Variants in ACADL observed in about 807,000 individuals in gnomAD.
ACADL encodes long-chain specific acyl-CoA dehydrogenase, mitochondrial.
In ACADL, 60 loss-of-function variants were observed where a neutral mutation model predicts 56.9. That is an observed-to-expected ratio of 1.05 (90% CI 0.86 to 1.31). ACADL has a LOEUF of 1.31. ACADL is among the 50% of genes most tolerant of loss of function. The pLI is 0.00. For missense variants in ACADL, 484 were observed against 525.5 expected, an observed-to-expected ratio of 0.92 and a Z score of 0.77; for synonymous variants, 158 against 179.7, an observed-to-expected ratio of 0.88 and a Z score of 0.97.
intron 4 of ACADL, among the ~76,000 whole-genome samples, chr2:210,211,178 C>G (rs1488018021): frequency 6.6e-6 from 1 of 152,086 alleles, no homozygotes; most frequent in Non-Finnish European, 1.5e-5. Context: ...CATATATATG[C>G]ATTTTTATAA....
chr2:210,224,399 A>T, intron 1 of ACADL: 1 of 985,294 alleles, frequency 1.0e-6, no homozygotes, highest in Non-Finnish European at 1.2e-6. Flanking sequence ...AGTAGCTTAC[A>T]CCAATGCTGT....
chr2:210,208,249 T>C (rs147044560), intron 5 of ACADL, among the ~76,000 whole-genome samples: 12 of 152,324 alleles, frequency 7.9e-5, no homozygotes, highest in African/African-American at 1.9e-4. Context: ...GAGAAATTCA[T>C]TGGGCAAAAA....
chr2:210,189,417 C>T (rs78091981), intron 10 of ACADL, among the ~76,000 whole-genome samples: 1,636 of 152,128 alleles, frequency 0.011, 26 homozygotes, highest in African/African-American at 0.035. Flanking sequence ...TTCTTTTTAT[C>T]TTTAATGTTT....
At chr2:210,220,958 C>T (rs993562699) in intron 1 of ACADL, among the ~76,000 whole-genome samples, 156 bp from the exon 2 acceptor site, 7 of 151,976 alleles carry the variant, frequency 4.6e-5, no homozygotes, top group South Asian at 2.1e-4. Context: ...CAAATTTGGG[C>T]GCCACCACTT....
intron 4 of ACADL, among the ~76,000 whole-genome samples, chr2:210,213,213 T>C (rs1320792448): frequency 1.3e-5 from 2 of 152,060 alleles, no homozygotes; most frequent in Non-Finnish European, 2.9e-5. Context: ...AAACAATTCT[T>C]CTATAGCTGG....
At position 210,214,519 on chromosome 2, in the gene ACADL, A is replaced by AAGAAAGAAAGAAAAAGAAAGAG. The variant is rs1575679680; in HGVS notation, c.536+1827_536+1828insCTCTTTCTTTTTCTTTCTTTCT. Among the ~76,000 whole-genome samples, 5 of 151,388 alleles carry AAGAAAGAAAGAAAAAGAAAGAG rather than the reference A, an allele frequency of 3.3e-5. No homozygotes were observed. The East Asian group carries it at 9.7e-4, about 29-fold the overall frequency. On this transcript the variant is annotated intron_variant, in intron 4 of 10. Coordinates refer to ENST00000233710, the MANE Select transcript of ACADL (RefSeq NM_001608.4). ...AGAAAGAAAGAAAGAAAAAGAAAGA[A>AAGAAAGAAAGAAAAAGAAAGAG]AGAAAGAAAGAAATCTGCTTATTTT...
intron 9 of ACADL, among the ~76,000 whole-genome samples, chr2:210,193,242 T>C (rs1167103976): frequency 6.6e-6 from 1 of 152,192 alleles, no homozygotes; most frequent in South Asian, 2.1e-4. Flanking sequence ...CTATATGATC[T>C]AAATTACTCA....
intron 4 of ACADL, among the ~76,000 whole-genome samples, chr2:210,212,310 A>C (rs540379707): frequency 3.1e-4 from 47 of 152,290 alleles, no homozygotes; most frequent in African/African-American, 1.0e-3. Flanking sequence ...TGAGCCCTAA[A>C]TGCAAACATG....
intron 9 of ACADL, among the ~76,000 whole-genome samples, chr2:210,194,759 ATTAAGT>A (rs1688681760): frequency 6.6e-6 from 1 of 152,170 alleles, no homozygotes. Flanking sequence ...CCTGGATGGA[ATTAAGT>A]TTAATTATAG....
At chr2:210,196,187 CTGT>C (rs1036774319) in intron 8 of ACADL, among the ~76,000 whole-genome samples, 1 of 151,962 alleles carries the variant, frequency 6.6e-6, no homozygotes, top group Non-Finnish European at 1.5e-5. Context: ...GTAAGATGTG[CTGT>C]TGTTCCTCCT....
chr2:210,198,449 C>T (rs948954368), intron 8 of ACADL, among the ~76,000 whole-genome samples: 4 of 152,128 alleles, frequency 2.6e-5, no homozygotes, highest in Non-Finnish European at 4.4e-5. Flanking sequence ...ATTCCTCTCC[C>T]TAATTCTTTA....
At chr2:210,214,626 A>G (rs1689052925) in intron 4 of ACADL, among the ~76,000 whole-genome samples, 1 of 152,206 alleles carries the variant, frequency 6.6e-6, no homozygotes, top group Non-Finnish European at 1.5e-5. Context: ...CAAAAATCAC[A>G]TGAACCTTTG....
chr2:210,195,581 T>C (rs1688697633), intron 8 of ACADL, among the ~76,000 whole-genome samples: 1 of 152,164 alleles, frequency 6.6e-6, no homozygotes, highest in South Asian at 2.1e-4. Flanking sequence ...ACATAAACAA[T>C]GTCTTGTTTC....
chr2:210,217,842 C>A, intron 3 of ACADL, 123 bp downstream of exon 3: 1 of 1,338,528 alleles, frequency 7.5e-7, no homozygotes, highest in South Asian at 1.2e-5. Context: ...ACATTTTACA[C>A]TGAATTTTCA....
chr2:210,221,685 G>A (rs1230871070), intron 1 of ACADL, among the ~76,000 whole-genome samples: 4 of 150,702 alleles, frequency 2.7e-5, no homozygotes, highest in Non-Finnish European at 4.4e-5. Context: ...AGACTTAAAG[G>A]GTTTTTAAAA....
intron 5 of ACADL, among the ~76,000 whole-genome samples, chr2:210,206,509 C>G (rs1398452540): frequency 6.6e-6 from 1 of 151,900 alleles, no homozygotes; most frequent in African/African-American, 2.4e-5. Flanking sequence ...TATTTATTCT[C>G]AGATTTATCA....
intron 4 of ACADL, among the ~76,000 whole-genome samples, chr2:210,213,642 A>T (rs1689026353): frequency 6.6e-6 from 1 of 152,166 alleles, no homozygotes; most frequent in Non-Finnish European, 1.5e-5. Flanking sequence ...TAAAGCCAAC[A>T]AGTTAGACCC....
At position 210,225,292 on chromosome 2, in the gene ACADL, G is replaced by C; in HGVS notation, c.-29C>G. ...CGAAACACAGGGGCGGCGGGGCGAC[G>C]GAGGCGACTCTGCGGCTACTCGGCG... On this transcript the variant is annotated 5_prime_UTR_variant, in exon 1 of 11. Coordinates refer to ENST00000233710, the MANE Select transcript of ACADL (RefSeq NM_001608.4). 2.6e-6 allele frequency: 4 copies of C among 1,542,320 alleles called. No individual in the cohort carries two copies. The highest frequency in any genetic ancestry group is 3.5e-6 in the Non-Finnish European group (4 of 1,149,604).
chr2:210,210,692 TC>T, intron 4 of ACADL, among the ~76,000 whole-genome samples: 1 of 152,268 alleles, frequency 6.6e-6, no homozygotes, highest in Middle Eastern at 3.4e-3. Context: ...ATGCCTATAA[TC>T]CCAGCACCTT....
Sources: allele counts gnomAD v4.1 joint callset (sites outside exome capture counted in the v4.1 genomes callset), GRCh38; gene constraint gnomAD v4.1.1; transcripts MANE v1.5; gene names NCBI Gene and HGNC (gene_info 2026-07-23, HGNC 2026-07-21).